ABHD16A: variants seen among roughly 807,000 people sequenced by gnomAD.
The protein encoded by ABHD16A is abhydrolase domain containing 16A, phospholipase, also known as phosphatidylserine lipase ABHD16A.
A neutral mutation model predicts 89.8 loss-of-function variants in ABHD16A; 47 were observed. The ratio of observed to expected loss-of-function variants is 0.52; its 90% confidence interval spans 0.41 to 0.67. The LOEUF is 0.67. Ranked by LOEUF, ABHD16A falls within the 30% of genes least tolerant of loss-of-function variation. The pLI is 0.00. For synonymous variants in ABHD16A, 251 were observed against 280.4 expected (o/e 0.90, Z 1.05); for missense variants, 580 against 734.6 (o/e 0.79, Z 2.43).
chr6:31,692,546 A>C (rs1803991853), intron 7 of ABHD16A, among the ~76,000 whole-genome samples: 1 of 152,186 alleles, frequency 6.6e-6, no homozygotes, highest in Non-Finnish European at 1.5e-5. Context: ...TCAAGCACCC[A>C]GGCAAGGCAG....
intron 5 of ABHD16A, among the ~76,000 whole-genome samples, chr6:31,695,351 A>G (rs577356188): frequency 6.6e-6 from 1 of 152,366 alleles, no homozygotes; most frequent in Non-Finnish European, 1.5e-5. Context: ...AAACAAGGAT[A>G]GCATGGTATT....
At position 31,687,951 on chromosome 6, in the gene ABHD16A, ATCCCTGAACCTTCC is replaced by A; in HGVS notation, c.1371-65_1371-52del. 1 of 1,612,216 alleles carries A rather than the reference ATCCCTGAACCTTCC, an allele frequency of 6.2e-7. No homozygotes were observed. Among genetic ancestry groups the A allele is most frequent in the Non-Finnish European group, 8.5e-7 (1 of 1,179,738 alleles). On this transcript the variant is annotated intron_variant, in intron 16 of 19. Coordinates refer to ENST00000395952, the MANE Select transcript of ABHD16A (RefSeq NM_021160.3). The surrounding 1 kb of genome is among the most constrained non-coding windows in gnomAD (Gnocchi z 6.3). ...CAGGGCTGATTTTTTTTCATTCACC[ATCCCTGAACCTTCC>A]TCCCTCCTTCCCTGTGCTGGTATCA...
Position 31,693,439 on chromosome 6 carries a change from T to C in ABHD16A, c.430-7A>G. 6.2e-7 allele frequency: 1 copy of C among 1,612,880 alleles called. No homozygotes were observed. Among genetic ancestry groups the C allele is most frequent in the Non-Finnish European group, 8.5e-7 (1 of 1,179,976 alleles). ...TGTAGTTGGCAAGCTGCCTCTGCAGTGGGCACGAGAGGCAAAGGGGTACTG... is the reference window on the plus strand; with the variant it reads ...TGTAGTTGGCAAGCTGCCTCTGCAGCGGGCACGAGAGGCAAAGGGGTACTG... On this transcript the variant is annotated splice_region_variant and splice_polypyrimidine_tract_variant and intron_variant, in intron 5 of 19. Coordinates refer to ENST00000395952, the MANE Select transcript of ABHD16A (RefSeq NM_021160.3). This position sits in a 1 kb window ranked among gnomAD's most constrained non-coding sequence, Gnocchi z 5.0.
Position 31,701,348 on chromosome 6 carries a change from A to C in ABHD16A, c.190-8T>G. 2 of 1,602,754 alleles carry C rather than the reference A, an allele frequency of 1.2e-6. No individual in the cohort carries two copies. The highest frequency in any genetic ancestry group is 2.2e-5 in the South Asian group (2 of 90,794). ...GGACCAGAATACTGAAGCCTGCAGC[A>C]GAGAGACAGGGACAGGCAATCAATA... On this transcript the variant is annotated splice_region_variant and splice_polypyrimidine_tract_variant and intron_variant, in intron 2 of 19. Transcript: ENST00000395952.
chr6:31,701,524 T>TG (rs2151258352), intron 2 of ABHD16A, among the ~76,000 whole-genome samples, 184 bp from the exon 3 acceptor site: 1 of 152,316 alleles, frequency 6.6e-6, no homozygotes, highest in East Asian at 1.9e-4. Context: ...GTCAATGTAA[T>TG]GGAGGCTGGG....
In ABHD16A at chr6:31,687,005, T is replaced by G. The variant is rs537666973; in HGVS notation, c.*207A>C. On this transcript the variant is annotated 3_prime_UTR_variant, in exon 20 of 20. Transcript: ENST00000395952. This position sits in a 1 kb window ranked among gnomAD's most constrained non-coding sequence, Gnocchi z 6.3. Reference sequence around the variant, plus strand: ...TTAATTATTAGGAATAATCCATTCATGTAATGCAGGATGTATGTTGGAGAA... The same window carrying G: ...TTAATTATTAGGAATAATCCATTCAGGTAATGCAGGATGTATGTTGGAGAA... The G allele has an allele frequency of 5.1e-6, 3 of 583,872 alleles. No homozygotes were observed. Among genetic ancestry groups the G allele is most frequent in the Non-Finnish European group, 9.2e-6 (3 of 326,134 alleles). 36.2% of individuals were successfully genotyped at this position (583,872 alleles called of 1,614,324 possible).
Position 31,687,901 on chromosome 6 carries a change from C to A in ABHD16A, c.1371-1G>T. On this transcript the variant is annotated splice_acceptor_variant, in intron 16 of 19. Transcript: ENST00000395952. LOFTEE classifies it high-confidence loss of function. This position sits in a 1 kb window ranked among gnomAD's most constrained non-coding sequence, Gnocchi z 6.3. ...CTCCTCTGCCATCACCCGGGGATAC[C>A]TACGGAGGAAGTGCCAGGACAGGTC... 6.2e-7 allele frequency: 1 copy of A among 1,612,868 alleles called. No homozygotes were observed. Among genetic ancestry groups the A allele is most frequent in the Non-Finnish European group, 8.5e-7 (1 of 1,180,026 alleles).
At chr6:31,701,929 T>G (rs1313344512) in intron 2 of ABHD16A, 145 bp downstream of exon 2, 7 of 798,138 alleles carry the variant, frequency 8.8e-6, no homozygotes, top group Non-Finnish European at 1.5e-5. Flanking sequence ...AGTGTGCCTG[T>G]GTGTCTGTGT....
Position 31,693,543 on chromosome 6 carries a change from G to GTC in ABHD16A, c.430-112_430-111insGA. ...GGGTCTGATCCCCACACATCATGGG[G>GTC]AAACCAAGCGGAGGTCAATACCCTC... is the stretch of plus-strand genomic sequence containing the variant. On this transcript the variant is annotated intron_variant, in intron 5 of 19. Coordinates refer to ENST00000395952, the MANE Select transcript of ABHD16A (RefSeq NM_021160.3). The surrounding 1 kb of genome is among the most constrained non-coding windows in gnomAD (Gnocchi z 5.0). The GTC allele has an allele frequency of 8.8e-6, 9 of 1,021,000 alleles. No individual in the cohort carries two copies. The highest frequency in any genetic ancestry group is 1.0e-5 in the Non-Finnish European group (7 of 676,186). The allele number at this position is 1,021,000 out of a possible 1,614,324, so 63.2% of individuals were successfully genotyped here.
chr6:31,688,397 C>A lies in ABHD16A; in HGVS notation c.1251-92G>T, dbSNP rs1803518258. On this transcript the variant is annotated intron_variant, in intron 14 of 19. Coordinates refer to ENST00000395952, the MANE Select transcript of ABHD16A (RefSeq NM_021160.3). This position sits in a 1 kb window ranked among gnomAD's most constrained non-coding sequence, Gnocchi z 4.9. ...ATCCCTGCACTGGTAGCATTCTTAC[C>A]CTCCCCTTGCTATAGCACAGCCCTT... The A allele has an allele frequency of 1.5e-6, 2 of 1,314,062 alleles. No homozygotes were observed. Among genetic ancestry groups the A allele is most frequent in the Admixed American group, 1.7e-5 (1 of 57,462 alleles). The allele number at this position is 1,314,062 out of a possible 1,614,324, so 81.4% of individuals were successfully genotyped here.
intron 7 of ABHD16A, 104 bp from the exon 8 acceptor site, chr6:31,692,022 C>A (rs1315088628): frequency 8.4e-6 from 7 of 837,570 alleles, no homozygotes; most frequent in Non-Finnish European, 1.8e-6. Flanking sequence ...GCCTGCTTTA[C>A]CCCTGACCTT....
chr6:31,700,857 A>G lies in ABHD16A; in HGVS notation c.343+85T>C, dbSNP rs530580891. ...AATGATTCCCTCTCGGAGGCCCATC[A>G]CTAAAATGTATTTGCACAAGGTACT... On this transcript the variant is annotated intron_variant, in intron 4 of 19. Transcript: ENST00000395952. The G allele has an allele frequency of 2.6e-5, 29 of 1,136,224 alleles. No individual in the cohort carries two copies. In the East Asian group the frequency reaches 6.7e-4, roughly 26 times the overall value. 70.4% of individuals were successfully genotyped at this position (1,136,224 alleles called of 1,614,324 possible).
In ABHD16A at chr6:31,688,901, C is replaced by A; in HGVS notation, c.1186+114G>T. On this transcript the variant is annotated intron_variant, in intron 13 of 19. Transcript: ENST00000395952. This position sits in a 1 kb window ranked among gnomAD's most constrained non-coding sequence, Gnocchi z 4.9. ...GCCCCCAGACAAAGGAGTCCTCCTG[C>A]TTCCAACAATGGGGCGACTTACTCC... The A allele has an allele frequency of 7.0e-7, 1 of 1,420,862 alleles. No homozygotes were observed. The highest frequency in any genetic ancestry group is 9.7e-7 in the Non-Finnish European group (1 of 1,030,576). The allele number at this position is 1,420,862 out of a possible 1,614,324, so 88.0% of individuals were successfully genotyped here. A position where few individuals can be genotyped will look rare whatever the true frequency, so the allele number is the denominator to read the frequency against.
chr6:31,699,061 C>G (rs1255669589), intron 4 of ABHD16A, among the ~76,000 whole-genome samples: 1 of 152,148 alleles, frequency 6.6e-6, no homozygotes, highest in East Asian at 1.9e-4. Context: ...GCAGGGCTCT[C>G]CCCCACTCTG....
At chr6:31,702,885 G>A in intron 1 of ABHD16A, 1 of 1,333,996 alleles carries the variant, frequency 7.5e-7, no homozygotes, top group Non-Finnish European at 9.6e-7. Flanking sequence ...CACGAACCAC[G>A]ACACACAGGG....
chr6:31,701,131 G>T, intron 3 of ABHD16A, 103 bp from the exon 4 acceptor site: 1 of 1,328,802 alleles, frequency 7.5e-7, no homozygotes, highest in Non-Finnish European at 1.1e-6. Flanking sequence ...GTTTGGAACA[G>T]CCATACCCTA....
intron 3 of ABHD16A, 90 bp from the exon 4 acceptor site, chr6:31,701,118 C>A: frequency 7.3e-7 from 1 of 1,364,908 alleles, no homozygotes; most frequent in Non-Finnish European, 1.0e-6. Context: ...CCCCACACTC[C>A]CTGTTTGGAA....
chr6:31,696,264 G>A (rs1234569415), intron 5 of ABHD16A, among the ~76,000 whole-genome samples: 3 of 151,946 alleles, frequency 2.0e-5, no homozygotes, highest in Non-Finnish European at 2.9e-5. Context: ...CCGGGAGTTG[G>A]AGGTTGTAGT....
At chr6:31,701,458 T>C in intron 2 of ABHD16A, 118 bp from the exon 3 acceptor site, 1 of 835,102 alleles carries the variant, frequency 1.2e-6, no homozygotes. Context: ...CATATCATAT[T>C]TGGTGTATGA....
Sources: allele counts gnomAD v4.1 joint callset (sites outside exome capture counted in the v4.1 genomes callset), GRCh38; gene constraint gnomAD v4.1.1; non-coding constraint Gnocchi (gnomAD v3.1); transcripts MANE v1.5; gene names NCBI Gene and HGNC (gene_info 2026-07-23, HGNC 2026-07-21).